Variants in WWP1 observed in about 807,000 individuals in gnomAD.
The protein encoded by WWP1 is WW domain containing E3 ubiquitin protein ligase 1, also known as NEDD4-like E3 ubiquitin-protein ligase WWP1.
In WWP1, 49 loss-of-function variants were observed where a neutral mutation model predicts 130.6. That is an observed-to-expected ratio of 0.38 (90% CI 0.30 to 0.48). The LOEUF is 0.48. Ranked by LOEUF, WWP1 falls within the 20% of genes least tolerant of loss-of-function variation. The pLI is 0.99. For synonymous variants in WWP1, 332 were observed against 367.8 expected, an observed-to-expected ratio of 0.90 and a Z score of 1.11; for missense variants, 809 against 1,100.6, an observed-to-expected ratio of 0.74 and a Z score of 3.75.
At chr8:86,363,654 T>C (rs1176488529) in intron 1 of WWP1, among the ~76,000 whole-genome samples, 1 of 151,588 alleles carries the variant, frequency 6.6e-6, no homozygotes, top group Non-Finnish European at 1.5e-5. Flanking sequence ...ATAAACAAAT[T>C]AGCCGGGTGT....
Position 86,411,752 on chromosome 8 carries a change from T to C in WWP1, c.939T>C (p.Pro313=). ...LESEARSILE[P]DTSNSRSSSA... Reference sequence around the variant, plus strand: ...CTGAAGCTAGAAGTATATTAGAGCCTGACACCTCTAATTCTAGAAGTAGTT... The same window carrying C: ...CTGAAGCTAGAAGTATATTAGAGCCCGACACCTCTAATTCTAGAAGTAGTT... Residue 313 remains proline (P), a synonymous_variant, in exon 9 of 25, where the codon CCT becomes CCC. Coordinates refer to ENST00000517970, the MANE Select transcript of WWP1 (RefSeq NM_007013.4). 1.2e-6 allele frequency: 2 copies of C among 1,614,152 alleles called. No individual in the cohort carries two copies. Among genetic ancestry groups the C allele is most frequent in the Non-Finnish European group, 1.7e-6 (2 of 1,179,970 alleles).
rs1407739216 is a variant in WWP1, at chr8:86,402,220, A to T, written c.724+17A>T. The T allele has an allele frequency of 2.5e-6, 4 of 1,609,464 alleles. No individual in the cohort carries two copies. Among genetic ancestry groups the T allele is most frequent in the Non-Finnish European group, 3.4e-6 (4 of 1,178,108 alleles). The stretch of plus-strand genomic sequence containing the variant: ...ATGACACTGGTAAGCAAGGCTATTT[A>T]TGACACCTTGTTTAAAGGAAAAGTA... On this transcript the variant is annotated intron_variant, in intron 8 of 24. Coordinates refer to ENST00000517970, the MANE Select transcript of WWP1 (RefSeq NM_007013.4).
At chr8:86,466,710 C>A in intron 24 of WWP1, 84 bp from the exon 25 acceptor site, 2 of 920,686 alleles carry the variant, frequency 2.2e-6, no homozygotes, top group Non-Finnish European at 3.3e-6. Flanking sequence ...ATCCATTCAG[C>A]ATTTCTATGT....
chr8:86,364,989 A>G (rs865805149), intron 1 of WWP1, among the ~76,000 whole-genome samples: 2 of 152,124 alleles, frequency 1.3e-5, no homozygotes, highest in Non-Finnish European at 2.9e-5. Flanking sequence ...TGCATTTATG[A>G]TAGGGGAGAT....
intron 8 of WWP1, among the ~76,000 whole-genome samples, chr8:86,408,952 A>G (rs1446968447): frequency 5.9e-5 from 9 of 152,008 alleles, no homozygotes; most frequent in Admixed American, 3.3e-4. Context: ...TCTTGAAGTA[A>G]TCTTGTTGTT....
rs113377274 is a variant in WWP1 at position 86,438,002 on chromosome 8, A to G, written c.1750-583A>G. On this transcript the variant is annotated intron_variant, in intron 16 of 24. Transcript: ENST00000517970. Reference sequence around the variant, plus strand: ...TTTTTAGTAGAGACGGGGTTTCACCATGTTAGCCAGGATGGTCTCAATCTC... The same window carrying G: ...TTTTTAGTAGAGACGGGGTTTCACCGTGTTAGCCAGGATGGTCTCAATCTC... 1.1e-3 allele frequency among the ~76,000 whole-genome samples: 160 copies of G among 152,170 alleles called. 1 individual carries two copies. Among genetic ancestry groups the G allele is most frequent in the Non-Finnish European group, 1.9e-3 (131 of 68,010 alleles).
chr8:86,356,253 T>A (rs1823251756), intron 1 of WWP1, among the ~76,000 whole-genome samples: 1 of 152,126 alleles, frequency 6.6e-6, no homozygotes, highest in Non-Finnish European at 1.5e-5. Context: ...CCTTTCTGCC[T>A]AGCAAGTATA....
chr8:86,384,166 T>C (rs1825151773), intron 5 of WWP1, among the ~76,000 whole-genome samples: 1 of 152,208 alleles, frequency 6.6e-6, no homozygotes, highest in Admixed American at 6.5e-5. Context: ...GACATTATTT[T>C]AACTTAATTA....
At chr8:86,439,569 C>T (rs1271741822) in intron 17 of WWP1, among the ~76,000 whole-genome samples, 3 of 152,040 alleles carry the variant, frequency 2.0e-5, no homozygotes, top group Non-Finnish European at 4.4e-5. Flanking sequence ...GATTAGCATG[C>T]ATACATTCTT....
intron 5 of WWP1, among the ~76,000 whole-genome samples, chr8:86,390,638 G>A (rs973491450): frequency 2.6e-5 from 4 of 151,914 alleles, no homozygotes; most frequent in Admixed American, 2.6e-4. Flanking sequence ...AACCGAGATG[G>A]CGGCAGCACA....
intron 22 of WWP1, among the ~76,000 whole-genome samples, chr8:86,459,373 G>A (rs1444005477): frequency 6.6e-6 from 1 of 152,112 alleles, no homozygotes; most frequent in South Asian, 2.1e-4. Flanking sequence ...TAACAAAAAT[G>A]TTGGAGAATA....
At chr8:86,427,189 G>T (rs1362194814) in intron 10 of WWP1, among the ~76,000 whole-genome samples, 2 of 151,866 alleles carry the variant, frequency 1.3e-5, no homozygotes, top group Non-Finnish European at 2.9e-5. Flanking sequence ...AGGGAGAAAG[G>T]ATAGCCAGAT....
chr8:86,350,007 C>T (rs955680102), intron 1 of WWP1, among the ~76,000 whole-genome samples: 3 of 151,980 alleles, frequency 2.0e-5, no homozygotes, highest in Non-Finnish European at 4.4e-5. Context: ...GCTCCAAGCC[C>T]CAATGGCATT....
intron 10 of WWP1, among the ~76,000 whole-genome samples, chr8:86,426,322 G>A (rs983752700): frequency 5.9e-5 from 9 of 152,126 alleles, no homozygotes; most frequent in African/African-American, 1.4e-4. Flanking sequence ...CATCTTTAGC[G>A]TCTATTATTC....
At chr8:86,401,550 A>G (rs1382409204) in intron 7 of WWP1, among the ~76,000 whole-genome samples, 1 of 11,714 alleles carries the variant, frequency 8.5e-5, no homozygotes, top group African/African-American at 8.1e-4. Flanking sequence ...TCCTGTCTCT[A>G]AAAAAAAAAA....
intron 2 of WWP1, among the ~76,000 whole-genome samples, chr8:86,372,978 C>T (rs1007020458): frequency 6.6e-6 from 1 of 151,882 alleles, no homozygotes; most frequent in Admixed American, 6.6e-5. Context: ...CTTTCCTTTC[C>T]TAGTATGTCT....
At chr8:86,371,949 C>T (rs1563473835) in intron 2 of WWP1, among the ~76,000 whole-genome samples, 1 of 151,562 alleles carries the variant, frequency 6.6e-6, no homozygotes, top group Non-Finnish European at 1.5e-5. Flanking sequence ...TCAAGCAATT[C>T]TCCCTCCCTC....
At chr8:86,360,853 A>G (rs533673773) in intron 1 of WWP1, among the ~76,000 whole-genome samples, 1 of 152,330 alleles carries the variant, frequency 6.6e-6, no homozygotes, top group South Asian at 2.1e-4. Context: ...TATGGTGATC[A>G]GGAATTCTTT....
chr8:86,435,724 A>T lies in WWP1; in HGVS notation c.1749+20A>T. 6.2e-7 allele frequency: 1 copy of T among 1,607,856 alleles called. No homozygotes were observed. The highest frequency in any genetic ancestry group is 2.2e-5 in the East Asian group (1 of 44,816). Reference sequence around the variant, plus strand: ...CAACAGGTAAGGAGGATTTTAGCAGAATAAAACACCATTTGTCTCATTGTA... The same window carrying T: ...CAACAGGTAAGGAGGATTTTAGCAGTATAAAACACCATTTGTCTCATTGTA... On this transcript the variant is annotated intron_variant, in intron 16 of 24. Coordinates refer to ENST00000517970, the MANE Select transcript of WWP1 (RefSeq NM_007013.4).
Sources: gnomAD v4.1 joint callset for allele counts (sites outside exome capture counted in the v4.1 genomes callset) on GRCh38, gnomAD v4.1.1 for gene constraint, MANE v1.5 for transcripts, NCBI Gene and HGNC (gene_info 2026-07-23, HGNC 2026-07-21) for gene names.